The following MRPS9 variants were observed in gnomAD, a reference collection of about 807,000 sequenced individuals.
The protein encoded by MRPS9 is mitochondrial ribosomal protein S9.
Under a neutral mutation model 59.9 loss-of-function variants are expected in MRPS9, and 45 were observed. That is an observed-to-expected ratio of 0.75 (90% confidence interval 0.59 to 0.96). MRPS9 has a LOEUF of 0.96. Among genes scored for constraint, MRPS9 ranks in the 40% least tolerant of loss-of-function variants. The pLI, the probability that MRPS9 is intolerant of heterozygous loss-of-function variation, is 0.00. For synonymous variants in MRPS9, 171 were observed against 166.8 expected, an observed-to-expected ratio of 1.03 and a Z score of -0.19; for missense variants, 473 against 481.1, an observed-to-expected ratio of 0.98 and a Z score of 0.16.
intron 10 of MRPS9, among the ~76,000 whole-genome samples, chr2:105,098,823 G>A (rs572993609): frequency 6.6e-5 from 10 of 152,316 alleles, no homozygotes; most frequent in African/African-American, 2.4e-4. Flanking sequence ...CAAGGAAAAA[G>A]TATGGTCCAT....
chr2:105,040,453 AT>A (rs1679481566), intron 1 of MRPS9, among the ~76,000 whole-genome samples: 1 of 152,220 alleles, frequency 6.6e-6, no homozygotes, highest in South Asian at 2.1e-4. Flanking sequence ...TTTTGTTTAT[AT>A]ATGTAAATGT....
intron 4 of MRPS9, among the ~76,000 whole-genome samples, chr2:105,079,290 G>T: frequency 7.9e-6 from 1 of 126,754 alleles, no homozygotes; most frequent in Middle Eastern, 4.0e-3. Context: ...GATAGTATGC[G>T]CAAAGGACAC....
chr2:105,091,597 G>T (rs1325016843), intron 7 of MRPS9, among the ~76,000 whole-genome samples: 1 of 152,166 alleles, frequency 6.6e-6, no homozygotes, highest in East Asian at 1.9e-4. Context: ...TAGTGACAAA[G>T]ATGAGTGTGA....
chr2:105,055,825 G>C (rs1679782810), intron 2 of MRPS9, among the ~76,000 whole-genome samples: 1 of 152,118 alleles, frequency 6.6e-6, no homozygotes, highest in African/African-American at 2.4e-5. Context: ...GCATTTCCAT[G>C]CTGCAACAAT....
intron 5 of MRPS9, among the ~76,000 whole-genome samples, chr2:105,081,060 G>A (rs1680328734): frequency 6.6e-6 from 1 of 152,156 alleles, no homozygotes. Flanking sequence ...GTTCTCTCCC[G>A]CACAGCCTGA....
intron 7 of MRPS9, chr2:105,091,467 C>T: frequency 2.2e-6 from 1 of 445,776 alleles, no homozygotes; most frequent in Non-Finnish European, 4.7e-6. Flanking sequence ...TAGAAGAGTG[C>T]CTTCTCTTTC....
chr2:105,038,312 C>T (rs1198319850), intron 1 of MRPS9, 85 bp downstream of exon 1: 32 of 1,527,910 alleles, frequency 2.1e-5, no homozygotes, highest in Middle Eastern at 1.9e-4. Context: ...CAGCGTCTCG[C>T]GTGCCTTCAG....
At chr2:105,089,239 G>A (rs188916349) in intron 6 of MRPS9, among the ~76,000 whole-genome samples, 170 bp downstream of exon 6, 23 of 152,096 alleles carry the variant, frequency 1.5e-4, no homozygotes, top group Non-Finnish European at 1.3e-4. Context: ...GAGGAAGCAT[G>A]AATTGAAGTT....
chr2:105,045,003 A>C (rs751306070), intron 1 of MRPS9, among the ~76,000 whole-genome samples: 11 of 152,182 alleles, frequency 7.2e-5, no homozygotes, highest in Non-Finnish European at 1.6e-4. Flanking sequence ...AAAAGCTAAA[A>C]ATTCATAGTG....
Position 105,071,564 on chromosome 2 carries a change from G to T in MRPS9, c.409+75G>T, listed in dbSNP as rs117341338. 1.1e-4 allele frequency: 157 copies of T among 1,438,730 alleles called. No homozygotes were observed. In the East Asian group the frequency reaches 3.3e-3, roughly 31 times the overall value. 89.1% of individuals were successfully genotyped at this position (1,438,730 alleles called of 1,614,324 possible). On this transcript the variant is annotated intron_variant, in intron 4 of 10. Transcript: ENST00000258455. Reference sequence around the variant, plus strand: ...GGTGTTAGGTTATGTATCAGCGGTTGCTCACATATCGTAGGGTGGCCTTCC... The same window carrying T: ...GGTGTTAGGTTATGTATCAGCGGTTTCTCACATATCGTAGGGTGGCCTTCC...
At chr2:105,073,284 C>T (rs1344338506) in intron 4 of MRPS9, among the ~76,000 whole-genome samples, 1 of 152,080 alleles carries the variant, frequency 6.6e-6, no homozygotes, top group Non-Finnish European at 1.5e-5. Flanking sequence ...TTTATTGTTA[C>T]TAGCAGCCAG....
At chr2:105,039,695 A>T (rs1243315039) in intron 1 of MRPS9, among the ~76,000 whole-genome samples, 3 of 152,226 alleles carry the variant, frequency 2.0e-5, no homozygotes, top group African/African-American at 7.2e-5. Context: ...ACTGCTGCAT[A>T]CTATTCCATG....
chr2:105,087,345 C>T (rs989301527), intron 5 of MRPS9, among the ~76,000 whole-genome samples: 3 of 152,108 alleles, frequency 2.0e-5, no homozygotes, highest in Non-Finnish European at 4.4e-5. Flanking sequence ...TCATTTGTCC[C>T]TCTGCTATTG....
At chr2:105,086,188 A>G (rs1184713278) in intron 5 of MRPS9, among the ~76,000 whole-genome samples, 1 of 152,170 alleles carries the variant, frequency 6.6e-6, no homozygotes, top group Non-Finnish European at 1.5e-5. Context: ...TACTTTACAT[A>G]TATTTTCCTA....
intron 2 of MRPS9, among the ~76,000 whole-genome samples, chr2:105,070,718 C>T (rs768521788): frequency 1.3e-5 from 2 of 151,910 alleles, no homozygotes; most frequent in African/African-American, 2.4e-5. Context: ...TTACTGATGC[C>T]GACTGGAAAA....
At chr2:105,047,213 T>C (rs546569661) in intron 1 of MRPS9, among the ~76,000 whole-genome samples, 1 of 152,058 alleles carries the variant, frequency 6.6e-6, no homozygotes, top group East Asian at 1.9e-4. Flanking sequence ...ACGATAATGA[T>C]TGGTTAGTAA....
chr2:105,054,579 A>G lies in MRPS9; in HGVS notation c.315+5229A>G, dbSNP rs13026566. ...TGTGGCATTTTATTAAATATAGCGGACCCCTTTTGGTATCGCATTTTATTA... is the reference window on the plus strand; with the variant it reads ...TGTGGCATTTTATTAAATATAGCGGGCCCCTTTTGGTATCGCATTTTATTA... On this transcript the variant is annotated intron_variant, in intron 2 of 10. Transcript: ENST00000258455. 2.3e-3 allele frequency among the ~76,000 whole-genome samples: 344 copies of G among 146,738 alleles called. 1 individual carries two copies. Among genetic ancestry groups the G allele is most frequent in the Middle Eastern group, 0.011 (3 of 282 alleles).
At chr2:105,075,554 A>C (rs1021441373) in intron 4 of MRPS9, among the ~76,000 whole-genome samples, 1 of 152,196 alleles carries the variant, frequency 6.6e-6, no homozygotes, top group African/African-American at 2.4e-5. Flanking sequence ...AAAAGAATGA[A>C]AGCTTCTAAA....
At position 105,093,602 on chromosome 2, in the gene MRPS9, T is replaced by C; in HGVS notation, c.893T>C (p.Ile298Thr). The C allele has an allele frequency of 6.2e-7, 1 of 1,607,382 alleles. No individual in the cohort carries two copies. The highest frequency in any genetic ancestry group is 1.1e-5 in the South Asian group (1 of 89,438). ...AGTGGAAGAATAAAAGTAAATGGAA[T>C]TGATTACCAGCTTTACTTCCCGATC... ...HGSGRIKVNG[I>T]DYQLYFPITQ... The change falls in exon 9 of 11, where the codon ATT becomes ACT. Residue 298 changes from isoleucine (I) to threonine (T), a missense_variant. Ile to Thr is a moderately conservative substitution (Grantham distance 89). Transcript: ENST00000258455.
Sources: allele counts gnomAD v4.1 joint callset (sites outside exome capture counted in the v4.1 genomes callset), GRCh38; gene constraint gnomAD v4.1.1; transcripts MANE v1.5; gene names NCBI Gene and HGNC (gene_info 2026-07-23, HGNC 2026-07-21).